HGF: variants seen among roughly 807,000 people sequenced by gnomAD.
HGF encodes the protein fibroblast-derived tumor cytotoxic factor.
Under a neutral mutation model 111.6 loss-of-function variants are expected in HGF, and 39 were observed. The ratio of observed to expected loss-of-function variants is 0.35; its 90% CI spans 0.27 to 0.46. The LOEUF (loss-of-function observed/expected upper bound fraction) is 0.46. Ranked by LOEUF, HGF falls within the 20% of genes least tolerant of loss-of-function variation. The pLI, the probability that HGF is intolerant of heterozygous loss-of-function variation, is 1.00. For missense variants in HGF, 735 were observed against 910.5 expected, an observed-to-expected ratio of 0.81 and a Z score of 2.48; for synonymous variants, 285 against 294.8, an observed-to-expected ratio of 0.97 and a Z score of 0.34.
At chr7:81,707,448 G>T in intron 13 of HGF, 84 bp from the exon 14 acceptor site, 1 of 804,154 alleles carries the variant, frequency 1.2e-6, no homozygotes. Flanking sequence ...GGCTCCATTT[G>T]TTAAAAATAA....
chr7:81,755,455 C>T (rs1015397645), intron 4 of HGF: 25 of 152,102 alleles, frequency 1.6e-4, no homozygotes, highest in African/African-American at 6.0e-4. Flanking sequence ...ACATCTATAT[C>T]ACAAGGAAGT....
intron 3 of HGF, 108 bp from the exon 4 acceptor site, chr7:81,757,411 C>T (rs942301041): frequency 2.9e-6 from 2 of 681,014 alleles, no homozygotes; most frequent in Non-Finnish European, 5.3e-6. Flanking sequence ...TAAACTATTT[C>T]AAATAACATT....
At chr7:81,733,190 C>G (rs757831) in intron 7 of HGF, among the ~76,000 whole-genome samples, 1 of 151,744 alleles carries the variant, frequency 6.6e-6, no homozygotes, top group Non-Finnish European at 1.5e-5. Flanking sequence ...AACCCAAATG[C>G]TGGCTTTGGA....
At chr7:81,742,697 A>T in intron 7 of HGF, 1 of 1,382,438 alleles carries the variant, frequency 7.2e-7, no homozygotes, top group South Asian at 1.6e-5. Context: ...AAAACACGTT[A>T]AAAAATAGTT....
rs1789291377 is a variant in HGF at position 81,701,958 on chromosome 7, T to C, written c.*623A>G. On this transcript the variant is annotated 3_prime_UTR_variant, in exon 18 of 18. Coordinates refer to ENST00000222390, the MANE Select transcript of HGF (RefSeq NM_000601.6). The stretch of plus-strand genomic sequence containing the variant: ...AGGTAAAACTATAGGTACATACTTC[T>C]AAAATATTTAGGGGTTACATTAGGT... 6.0e-6 allele frequency: 1 copy of C among 166,418 alleles called. No individual in the cohort carries two copies. The highest frequency in any genetic ancestry group is 1.3e-5 in the Non-Finnish European group (1 of 76,390). The allele number at this position is 166,418 out of a possible 1,614,324, so 10.3% of individuals were successfully genotyped here. A position where few individuals can be genotyped will look rare whatever the true frequency, so the allele number is the denominator to read the frequency against.
Position 81,758,060 on chromosome 7 carries a change from T to C in HGF, c.367+632A>G, listed in dbSNP as rs578053244. Among the ~76,000 whole-genome samples the C allele has an allele frequency of 1.1e-4, 16 of 152,222 alleles. No homozygotes were observed. The East Asian group carries it at 3.1e-3, about 29-fold the overall frequency. On this transcript the variant is annotated intron_variant, in intron 3 of 17. Transcript: ENST00000222390. ...TACCAGGTTATGTATCTGAATTTAA[T>C]AGGACATGGTTGTTTAACATTCTTC... is the stretch of plus-strand genomic sequence containing the variant.
intron 7 of HGF, among the ~76,000 whole-genome samples, chr7:81,739,797 C>T (rs1264896252): frequency 1.3e-5 from 2 of 152,130 alleles, no homozygotes; most frequent in Admixed American, 6.6e-5. Context: ...GTCTCATGGA[C>T]ACCAGTTTAG....
chr7:81,719,544 A>G (rs1789800081), intron 10 of HGF, among the ~76,000 whole-genome samples: 1 of 152,206 alleles, frequency 6.6e-6, no homozygotes, highest in Non-Finnish European at 1.5e-5. Flanking sequence ...TATAATGTAA[A>G]AGATATTTTT....
intron 11 of HGF, among the ~76,000 whole-genome samples, chr7:81,713,206 T>C (rs547418847): frequency 6.6e-6 from 1 of 152,260 alleles, no homozygotes; most frequent in African/African-American, 2.4e-5. Context: ...CTCTTGTATC[T>C]TACAATATAT....
intron 11 of HGF, among the ~76,000 whole-genome samples, chr7:81,712,742 A>T (rs1180730196): frequency 1.3e-5 from 2 of 152,230 alleles, no homozygotes; most frequent in East Asian, 3.9e-4. Flanking sequence ...AAATGCCCTG[A>T]GCTCAAATAA....
At position 81,751,322 on chromosome 7, in the gene HGF, G is replaced by A. The variant is rs909713624; in HGVS notation, c.625+798C>T. On this transcript the variant is annotated intron_variant, in intron 5 of 17. Coordinates refer to ENST00000222390, the MANE Select transcript of HGF (RefSeq NM_000601.6). Reference sequence around the variant, plus strand: ...TTTTGGAAATTTAGAGTTTCTGACAGAACTGAAAAATCCGGCTATTCAGTA... The same window carrying A: ...TTTTGGAAATTTAGAGTTTCTGACAAAACTGAAAAATCCGGCTATTCAGTA... 7 of 984,790 alleles carry A rather than the reference G, an allele frequency of 7.1e-6. No individual in the cohort carries two copies. The African/African-American group carries it at 1.0e-4, about 15-fold the overall frequency. 61.0% of individuals were successfully genotyped at this position (984,790 alleles called of 1,614,324 possible). A position where few individuals can be genotyped will look rare whatever the true frequency, so the allele number is the denominator to read the frequency against.
intron 7 of HGF, among the ~76,000 whole-genome samples, chr7:81,735,740 T>C (rs1348484369): frequency 6.6e-6 from 1 of 152,066 alleles, no homozygotes; most frequent in Non-Finnish European, 1.5e-5. Flanking sequence ...GATTTGCTGA[T>C]TTAAACAAAA....
chr7:81,747,351 A>T (rs1432364468), intron 5 of HGF, among the ~76,000 whole-genome samples: 1 of 152,096 alleles, frequency 6.6e-6, no homozygotes, highest in African/African-American at 2.4e-5. Flanking sequence ...AAAATAAAAA[A>T]AAGAAGTTCT....
chr7:81,700,819 A>G lies in HGF; in HGVS notation c.*1762T>C, dbSNP rs1789259375. 6.6e-6 allele frequency: 1 copy of G among 151,566 alleles called. No homozygotes were observed. Among genetic ancestry groups the G allele is most frequent in the South Asian group, 2.1e-4 (1 of 4,832 alleles). 9.4% of individuals were successfully genotyped at this position (151,566 alleles called of 1,614,324 possible). A position where few individuals can be genotyped will look rare whatever the true frequency, so the allele number is the denominator to read the frequency against. On this transcript the variant is annotated 3_prime_UTR_variant, in exon 18 of 18. Transcript: ENST00000222390. ...TCTTATTATGAAAAAAAAATTGTAT[A>G]AGCATTTCTGGACTCGCCGCCCTAT...
At chr7:81,743,095 T>G in intron 7 of HGF, 1 of 778,724 alleles carries the variant, frequency 1.3e-6, no homozygotes, top group Admixed American at 2.3e-5. Flanking sequence ...CTTGATAACA[T>G]TAGAATGTTT....
chr7:81,704,680 C>CTA (rs1455396930), intron 17 of HGF, among the ~76,000 whole-genome samples: 2 of 151,770 alleles, frequency 1.3e-5, no homozygotes, highest in Non-Finnish European at 2.9e-5. Flanking sequence ...GGACATTTCA[C>CTA]TATCATTGAA....
At chr7:81,759,467 G>T (rs1788950921) in intron 2 of HGF, among the ~76,000 whole-genome samples, 1 of 152,096 alleles carries the variant, frequency 6.6e-6, no homozygotes, top group Non-Finnish European at 1.5e-5. Context: ...AACTATTTAA[G>T]CTAATATTTC....
At chr7:81,759,798 GT>G (rs1011156413) in intron 2 of HGF, among the ~76,000 whole-genome samples, 7 of 152,070 alleles carry the variant, frequency 4.6e-5, no homozygotes, top group Non-Finnish European at 8.8e-5. Flanking sequence ...AAGAAAACTA[GT>G]AATATTAGAG....
chr7:81,758,870 T>A, intron 2 of HGF, 66 bp from the exon 3 acceptor site: 1 of 1,039,624 alleles, frequency 9.6e-7, no homozygotes, highest in Non-Finnish European at 1.5e-6. Flanking sequence ...AGAATGGGCA[T>A]ATGGTTCATC....
Sources: gnomAD v4.1 joint callset for allele counts (sites outside exome capture counted in the v4.1 genomes callset) on GRCh38, gnomAD v4.1.1 for gene constraint, MANE v1.5 for transcripts, NCBI Gene and HGNC (gene_info 2026-07-23, HGNC 2026-07-21) for gene names.